Variants in CUL5 observed in about 807,000 individuals in gnomAD.
CUL5 encodes the protein cullin 5.
A neutral mutation model predicts 108.8 loss-of-function variants in CUL5; 26 were observed. The observed-to-expected ratio is 0.24, with a 90% CI of 0.18 to 0.33. The LOEUF (loss-of-function observed/expected upper bound fraction) is 0.33. Among genes scored for constraint, CUL5 ranks in the 10% least tolerant of loss-of-function variants. The pLI is 1.00. For missense variants in CUL5, 524 were observed against 909.2 expected (o/e 0.58, Z 5.45); for synonymous variants, 334 against 298.0 (o/e 1.12, Z -1.25).
Position 108,103,916 on chromosome 11 carries a change from G to A in CUL5, c.2149-274G>A, listed in dbSNP as rs188746980. 1.2e-3 allele frequency among the ~76,000 whole-genome samples: 187 copies of A among 152,112 alleles called. 1 individual carries two copies. Among genetic ancestry groups the A allele is most frequent in the African/African-American group, 4.3e-3 (177 of 41,488 alleles). ...GGTCATTTGCTGCACCCATCAACCCGTCATCTACATGAGGTGTTTCTCCTA... is the reference window on the plus strand; with the variant it reads ...GGTCATTTGCTGCACCCATCAACCCATCATCTACATGAGGTGTTTCTCCTA... On this transcript the variant is annotated intron_variant, in intron 18 of 18. Transcript: ENST00000393094.
intron 18 of CUL5, among the ~76,000 whole-genome samples, chr11:108,103,213 C>T (rs185477791): frequency 4.3e-4 from 66 of 152,240 alleles, no homozygotes; most frequent in African/African-American, 1.3e-3. Flanking sequence ...TTAAGGAAAT[C>T]ATCAAGAAAA....
chr11:108,087,576 A>G (rs745622794), intron 11 of CUL5, among the ~76,000 whole-genome samples: 1 of 152,168 alleles, frequency 6.6e-6, no homozygotes, highest in Non-Finnish European at 1.5e-5. Context: ...GACAATATAG[A>G]TAGTGAGACC....
At chr11:108,077,545 G>A (rs962984470) in intron 10 of CUL5, among the ~76,000 whole-genome samples, 11 of 151,386 alleles carry the variant, frequency 7.3e-5, no homozygotes, top group Non-Finnish European at 1.6e-4. Flanking sequence ...CAGGAGAATC[G>A]CTTGAACCCA....
intron 10 of CUL5, among the ~76,000 whole-genome samples, chr11:108,077,535 C>T (rs1023949811): frequency 6.6e-6 from 1 of 151,456 alleles, no homozygotes; most frequent in Non-Finnish European, 1.5e-5. Flanking sequence ...GAGGCTGAGG[C>T]AGGAGAATCG....
intron 7 of CUL5, among the ~76,000 whole-genome samples, chr11:108,065,274 C>G (rs1486953372): frequency 6.6e-6 from 1 of 152,140 alleles, no homozygotes; most frequent in Non-Finnish European, 1.5e-5. Context: ...CTGCCCACCT[C>G]TGCCTGGCAA....
intron 1 of CUL5, 61 bp from the exon 2 acceptor site, chr11:108,033,741 A>G (rs1490720217): frequency 9.6e-7 from 1 of 1,040,642 alleles, no homozygotes; most frequent in Non-Finnish European, 1.4e-6. Context: ...TAAAAATTAC[A>G]GGATACTTTT....
At chr11:108,063,726 C>T (rs1863606844) in intron 7 of CUL5, among the ~76,000 whole-genome samples, 1 of 151,912 alleles carries the variant, frequency 6.6e-6, no homozygotes. Context: ...TTCCTATGCT[C>T]ATTTCCATTC....
chr11:108,034,689 GTCC>G (rs993563115), intron 2 of CUL5, among the ~76,000 whole-genome samples: 1 of 152,268 alleles, frequency 6.6e-6, no homozygotes, highest in East Asian at 1.9e-4. Context: ...AATCATTAAT[GTCC>G]TCCTCCTCCG....
chr11:108,064,851 C>T (rs558195837), intron 7 of CUL5, among the ~76,000 whole-genome samples: 1 of 152,234 alleles, frequency 6.6e-6, no homozygotes, highest in African/African-American at 2.4e-5. Flanking sequence ...TAGGGCAATA[C>T]TGGCCTCATA....
Position 108,094,942 on chromosome 11 carries a change from T to C in CUL5, c.1698T>C (p.His566=), listed in dbSNP as rs1461076083. 5.0e-6 allele frequency: 8 copies of C among 1,613,036 alleles called. No homozygotes were observed. The highest frequency in any genetic ancestry group is 1.7e-5 in the Admixed American group (1 of 59,920). Residue 566 remains histidine, a synonymous_variant, in exon 15 of 19, where the codon CAT becomes CAC. Coordinates refer to ENST00000393094, the MANE Select transcript of CUL5 (RefSeq NM_003478.6). Reference sequence around the variant, plus strand: ...TAGAAGAATTCTACAAAAAAAATCATAGTGGTAGAAAATTACATTGGCATC... The same window carrying C: ...TAGAAGAATTCTACAAAAAAAATCACAGTGGTAGAAAATTACATTGGCATC... ...PEVEEFYKKN[H]SGRKLHWHHL...
intron 1 of CUL5, among the ~76,000 whole-genome samples, chr11:108,016,397 G>GTGCA (rs531136205): frequency 2.6e-5 from 4 of 151,870 alleles, no homozygotes; most frequent in Non-Finnish European, 5.9e-5. Context: ...CCTCCCACAG[G>GTGCA]TGCAACACCA....
chr11:108,034,481 G>A (rs1023945263), intron 2 of CUL5, among the ~76,000 whole-genome samples: 5 of 152,186 alleles, frequency 3.3e-5, no homozygotes, highest in African/African-American at 9.6e-5. Flanking sequence ...TCAGATGCCA[G>A]CCAAAGGCTA....
chr11:108,061,519 A>T (rs1477852775), intron 7 of CUL5, among the ~76,000 whole-genome samples: 2 of 152,214 alleles, frequency 1.3e-5, no homozygotes, highest in Admixed American at 1.3e-4. Context: ...AGAAAATACT[A>T]TAATGAACGC....
At chr11:108,041,971 G>C (rs1338920918) in intron 2 of CUL5, among the ~76,000 whole-genome samples, 1 of 152,104 alleles carries the variant, frequency 6.6e-6, no homozygotes, top group Admixed American at 6.6e-5. Context: ...GTTAATACAT[G>C]TTACTTTTGT....
chr11:108,101,774 C>G (rs1364831766), intron 18 of CUL5, among the ~76,000 whole-genome samples: 1 of 152,190 alleles, frequency 6.6e-6, no homozygotes, highest in Non-Finnish European at 1.5e-5. Context: ...CTCTTAGGTT[C>G]TCTAACTACC....
chr11:108,031,250 C>T (rs528838510), intron 1 of CUL5, among the ~76,000 whole-genome samples: 2 of 151,882 alleles, frequency 1.3e-5, no homozygotes, highest in South Asian at 4.2e-4. Flanking sequence ...TGTCTAATCT[C>T]AGCTACTCGG....
At chr11:108,098,345 C>T in intron 17 of CUL5, 61 bp from the exon 18 acceptor site, 1 of 1,420,712 alleles carries the variant, frequency 7.0e-7, no homozygotes, top group Non-Finnish European at 9.6e-7. Context: ...GACATTGTTG[C>T]TATAATAGGA....
At chr11:108,051,789 C>T (rs180924879) in intron 4 of CUL5, among the ~76,000 whole-genome samples, 1 of 152,236 alleles carries the variant, frequency 6.6e-6, no homozygotes, top group East Asian at 1.9e-4. Flanking sequence ...ACCAATATAT[C>T]TGAAATTCAA....
chr11:108,094,675 C>A, intron 14 of CUL5, 137 bp from the exon 15 acceptor site: 3 of 837,124 alleles, frequency 3.6e-6, no homozygotes, highest in Non-Finnish European at 5.3e-6. Context: ...ATTTACAGAT[C>A]TTTATTTCAA....
Sources: allele counts gnomAD v4.1 joint callset (sites outside exome capture counted in the v4.1 genomes callset), GRCh38; gene constraint gnomAD v4.1.1; transcripts MANE v1.5; gene names NCBI Gene and HGNC (gene_info 2026-07-23, HGNC 2026-07-21).